Variants in DSTYK observed in about 807,000 individuals in gnomAD.
The protein encoded by DSTYK is RIP-homologous kinase.
In DSTYK, 34 loss-of-function variants were observed where a neutral mutation model predicts 98.7. The observed-to-expected ratio is 0.34, with a 90% CI of 0.26 to 0.46. The LOEUF (loss-of-function observed/expected upper bound fraction) is 0.46, where lower values mean the gene tolerates loss of function less well. Ranked by LOEUF, DSTYK falls within the 20% of genes least tolerant of loss-of-function variation. The pLI is 1.00. For missense variants in DSTYK, 962 were observed against 1,181.7 expected (o/e 0.81, Z 2.73); for synonymous variants, 462 against 457.3 (o/e 1.01, Z -0.13).
At chr1:205,202,762 T>C (rs1306852194) in intron 1 of DSTYK, 2 of 657,252 alleles carry the variant, frequency 3.0e-6, no homozygotes, top group Non-Finnish European at 5.4e-6. Flanking sequence ...TTAAAGTAAA[T>C]ACAATTAAAT....
chr1:205,182,498 TAAAAAAAAAAA>T (rs386369411), intron 2 of DSTYK, among the ~76,000 whole-genome samples: 6 of 77,752 alleles, frequency 7.7e-5, no homozygotes, highest in South Asian at 5.6e-4. Flanking sequence ...TTAAAAACGG[TAAAAAAAAAAA>T]AAAAAAAAAA....
chr1:205,210,841 TC>T (rs1659349883), intron 1 of DSTYK, among the ~76,000 whole-genome samples: 1 of 152,218 alleles, frequency 6.6e-6, no homozygotes, highest in Non-Finnish European at 1.5e-5. Flanking sequence ...CTCCTCGGAC[TC>T]CCGGGACTCG....
intron 3 of DSTYK, 108 bp from the exon 4 acceptor site, chr1:205,164,063 G>T: frequency 1.1e-6 from 1 of 884,804 alleles, no homozygotes; most frequent in Middle Eastern, 2.5e-4. Flanking sequence ...GATGATGATG[G>T]CTGCAAAAAG....
Position 205,142,896 on chromosome 1 carries a change from A to G in DSTYK, c.*4662T>C, listed in dbSNP as rs1313474246. ...GCCCAGACCAATTTTCTTTTCAACT[A>G]TCTGGGCAAGGTGGCCTCCCCAGTG... On this transcript the variant is annotated 3_prime_UTR_variant, in exon 13 of 13. Coordinates refer to ENST00000367162, the MANE Select transcript of DSTYK (RefSeq NM_015375.3). 2.0e-5 allele frequency: 3 copies of G among 152,206 alleles called. No individual in the cohort carries two copies. The highest frequency in any genetic ancestry group is 7.2e-5 in the African/African-American group (3 of 41,464). 9.4% of individuals were successfully genotyped at this position (152,206 alleles called of 1,614,324 possible).
chr1:205,194,175 T>C (rs565221702), intron 1 of DSTYK, among the ~76,000 whole-genome samples: 2 of 152,342 alleles, frequency 1.3e-5, no homozygotes, highest in African/African-American at 4.8e-5. Context: ...TGTGACTTCA[T>C]TTCTAAAGGC....
chr1:205,171,629 T>A (rs1008847557), intron 2 of DSTYK, among the ~76,000 whole-genome samples: 31 of 152,264 alleles, frequency 2.0e-4, no homozygotes, highest in Non-Finnish European at 4.1e-4. Flanking sequence ...GCACAGGTTG[T>A]TCCTCTGTGT....
At chr1:205,174,205 C>A (rs879840927) in intron 2 of DSTYK, among the ~76,000 whole-genome samples, 11 of 151,842 alleles carry the variant, frequency 7.2e-5, no homozygotes, top group Non-Finnish European at 1.2e-4. Context: ...ATGGCCAAAA[C>A]CAGTCTCTAT....
chr1:205,179,544 C>T (rs1329066890), intron 2 of DSTYK, among the ~76,000 whole-genome samples: 1 of 151,226 alleles, frequency 6.6e-6, no homozygotes, highest in Non-Finnish European at 1.5e-5. Flanking sequence ...TGGTGTGAAC[C>T]CGGGAGGCAG....
intron 1 of DSTYK, among the ~76,000 whole-genome samples, chr1:205,193,277 G>A (rs1245158446): frequency 1.3e-5 from 2 of 152,200 alleles, no homozygotes; most frequent in African/African-American, 4.8e-5. Context: ...CTCGTGACCT[G>A]TTTCTGTTGC....
At chr1:205,188,700 T>C (rs1658627316) in intron 1 of DSTYK, among the ~76,000 whole-genome samples, 1 of 152,214 alleles carries the variant, frequency 6.6e-6, no homozygotes, top group Non-Finnish European at 1.5e-5. Context: ...ATGTATAAAA[T>C]GTATAAATGT....
intron 1 of DSTYK, among the ~76,000 whole-genome samples, chr1:205,205,144 CACTA>C (rs1225939282): frequency 1.3e-5 from 2 of 152,122 alleles, no homozygotes; most frequent in Non-Finnish European, 2.9e-5. Flanking sequence ...AAAACTACAG[CACTA>C]TCTTTACTGA....
chr1:205,170,191 A>C (rs1447520932), intron 2 of DSTYK, among the ~76,000 whole-genome samples: 1 of 152,164 alleles, frequency 6.6e-6, no homozygotes, highest in Non-Finnish European at 1.5e-5. Flanking sequence ...TTGTAATGGA[A>C]ATTATCAGAC....
At position 205,169,795 on chromosome 1, in the gene DSTYK, CGGAGGCCTT is replaced by C; in HGVS notation, c.683_691del (p.Gln228_Leu230del). On this transcript the variant is annotated inframe_deletion, in exon 3 of 13. Transcript: ENST00000367162. This position sits in a 1 kb window ranked among gnomAD's most constrained non-coding sequence, Gnocchi z 4.0. ...GTCACCCAGAACATCCACTGTGGGC[CGGAGGCCTT>C]GGCATGGTGCTACCACAACGTCCAC... 1 of 1,613,946 alleles carries C rather than the reference CGGAGGCCTT, an allele frequency of 6.2e-7. No individual in the cohort carries two copies. The highest frequency in any genetic ancestry group is 8.5e-7 in the Non-Finnish European group (1 of 1,179,952).
chr1:205,190,627 A>AC (rs1238658126), intron 1 of DSTYK, among the ~76,000 whole-genome samples: 2 of 151,004 alleles, frequency 1.3e-5, no homozygotes, highest in Non-Finnish European at 3.0e-5. Flanking sequence ...AAAAAAAAAA[A>AC]AAAAAAAAAA....
Position 205,159,661 on chromosome 1 carries a change from C to G in DSTYK, c.2124G>C (p.Glu708Asp). ...FHYMRSLPKH[E>D]RLVDLHGSVI... ...CTGAACCATGGAGATCCACCAATCG[C>G]TCATGCTTCGGCAGAGACCTGGAGG... Residue 708 changes from glutamate (E) to aspartate (D), a missense_variant, in exon 9 of 13, where the codon GAG (glutamate) becomes GAC (aspartate). This residue lies in a region of DSTYK where 660 missense variants were observed against 855.0 expected (regional missense o/e 0.77). Transcript: ENST00000367162. 1 of 1,613,582 alleles carries G rather than the reference C, an allele frequency of 6.2e-7. No homozygotes were observed. Among genetic ancestry groups the G allele is most frequent in the Non-Finnish European group, 8.5e-7 (1 of 1,179,982 alleles).
At chr1:205,200,737 G>A (rs1659007503) in intron 1 of DSTYK, among the ~76,000 whole-genome samples, 1 of 152,144 alleles carries the variant, frequency 6.6e-6, no homozygotes, top group Non-Finnish European at 1.5e-5. Flanking sequence ...TTTGCTGAGT[G>A]AATGAATATT....
chr1:205,154,129 A>C (rs1657489801), intron 10 of DSTYK, among the ~76,000 whole-genome samples: 1 of 151,998 alleles, frequency 6.6e-6, no homozygotes, highest in East Asian at 1.9e-4. Context: ...GGAGAAAAGA[A>C]TATGAGTTTG....
In DSTYK at chr1:205,169,569, C is replaced by T. The variant is rs1299311998; in HGVS notation, c.918G>A (p.Gln306=). The part of the protein sequence containing the change: ...MESERSPLYR[Q]LIDLGYLSSS... ...TGCTCAGATAGCCCAGGTCAATTAG[C>T]TGGCGATAAAGCGGTGATCTTTCGC... The change falls in exon 3 of 13, where the codon CAG becomes CAA. Residue 306 remains glutamine, a synonymous_variant. Transcript: ENST00000367162. The surrounding 1 kb of genome is among the most constrained non-coding windows in gnomAD (Gnocchi z 4.0). 2 of 1,614,060 alleles carry T rather than the reference C, an allele frequency of 1.2e-6. No individual in the cohort carries two copies. The highest frequency in any genetic ancestry group is 2.2e-5 in the East Asian group (1 of 44,892).
chr1:205,211,641 C>A lies in DSTYK; in HGVS notation c.-106G>T, dbSNP rs973118928. On this transcript the variant is annotated 5_prime_UTR_variant, in exon 1 of 13. Transcript: ENST00000367162. Reference sequence around the variant, plus strand: ...GGGAGGAGGAATCCGCCTCCTGACGCCCCCGCCTGCAGTCAGCCTGGCTCC... The same window carrying A: ...GGGAGGAGGAATCCGCCTCCTGACGACCCCGCCTGCAGTCAGCCTGGCTCC... 8.9e-6 allele frequency: 12 copies of A among 1,352,440 alleles called. No individual in the cohort carries two copies. In the African/African-American group the frequency reaches 1.7e-4, roughly 19 times the overall value. 83.8% of individuals were successfully genotyped at this position (1,352,440 alleles called of 1,614,324 possible).
Sources: gnomAD v4.1 joint callset for allele counts (sites outside exome capture counted in the v4.1 genomes callset) on GRCh38, gnomAD v4.1.1 for gene constraint, gnomAD v4.1.1 regional missense constraint, Gnocchi (gnomAD v3.1) non-coding constraint, MANE v1.5 for transcripts, NCBI Gene and HGNC (gene_info 2026-07-23, HGNC 2026-07-21) for gene names.